The following IPO11 variants were observed in gnomAD, a reference collection of about 807,000 sequenced individuals.
IPO11 encodes importin-11.
IPO11 carries 66 observed loss-of-function variants against 143.2 expected under a neutral mutation model. That is an observed-to-expected ratio of 0.46 (90% CI 0.38 to 0.57). The LOEUF (loss-of-function observed/expected upper bound fraction) is 0.57. Among genes scored for constraint, IPO11 ranks in the 20% least tolerant of loss-of-function variants. IPO11 has a pLI of 0.00. For missense variants in IPO11, 1,026 were observed against 1,141.0 expected (o/e 0.90, Z 1.45); for synonymous variants, 385 against 377.8 (o/e 1.02, Z -0.22).
intron 27 of IPO11, among the ~76,000 whole-genome samples, chr5:62,562,568 A>T (rs1328641217): frequency 6.6e-6 from 1 of 152,208 alleles, no homozygotes; most frequent in African/African-American, 2.4e-5. Flanking sequence ...GGCGGAGCTC[A>T]GGCAGTAATG....
chr5:62,420,749 T>C (rs1412228001), intron 1 of IPO11, among the ~76,000 whole-genome samples: 1 of 151,928 alleles, frequency 6.6e-6, no homozygotes, highest in Non-Finnish European at 1.5e-5. Context: ...CCAGCTAACT[T>C]TTTGTTTTTT....
At chr5:62,462,944 A>G (rs1275734534) in intron 5 of IPO11, among the ~76,000 whole-genome samples, 1 of 151,636 alleles carries the variant, frequency 6.6e-6, no homozygotes, top group Admixed American at 6.6e-5. Flanking sequence ...AGAATTAGAT[A>G]AAAGGTCTAT....
intron 14 of IPO11, among the ~76,000 whole-genome samples, chr5:62,489,870 T>C (rs1445537397): frequency 2.6e-5 from 4 of 152,220 alleles, no homozygotes; most frequent in Admixed American, 6.5e-5. Context: ...TTTTTATAGT[T>C]GGACTTAAAT....
chr5:62,586,477 T>C (rs984080955), intron 27 of IPO11, among the ~76,000 whole-genome samples: 1 of 152,094 alleles, frequency 6.6e-6, no homozygotes, highest in Non-Finnish European at 1.5e-5. Context: ...CAAATAACTT[T>C]GGTAACATGA....
chr5:62,450,367 G>A (rs1296807767), intron 4 of IPO11, among the ~76,000 whole-genome samples: 1 of 152,128 alleles, frequency 6.6e-6, no homozygotes, highest in Non-Finnish European at 1.5e-5. Flanking sequence ...GAACTGAAAA[G>A]TTCTCACCCA....
chr5:62,535,424 C>A (rs1742701444), intron 22 of IPO11, among the ~76,000 whole-genome samples: 1 of 152,036 alleles, frequency 6.6e-6, no homozygotes, highest in Non-Finnish European at 1.5e-5. Flanking sequence ...CAGGCTTTCT[C>A]CTTGAGGAGA....
intron 15 of IPO11, among the ~76,000 whole-genome samples, chr5:62,492,720 T>C (rs1746662331): frequency 6.6e-6 from 1 of 151,988 alleles, no homozygotes; most frequent in Admixed American, 6.6e-5. Flanking sequence ...TTTTGTGTAG[T>C]TTTGGTAGGG....
At chr5:62,443,377 A>T in intron 3 of IPO11, 1 of 225,246 alleles carries the variant, frequency 4.4e-6, no homozygotes, top group Admixed American at 7.1e-5. Context: ...ATGGTTTTCC[A>T]TTTGAGTGTG....
chr5:62,490,022 G>A (rs1338225575), intron 14 of IPO11, 93 bp from the exon 15 acceptor site: 15 of 576,822 alleles, frequency 2.6e-5, no homozygotes, highest in Non-Finnish European at 4.1e-5. Flanking sequence ...TTAGCATATT[G>A]TGTGTTTCCT....
intron 29 of IPO11, among the ~76,000 whole-genome samples, chr5:62,611,001 C>T (rs1745908952): frequency 6.6e-6 from 1 of 152,146 alleles, no homozygotes; most frequent in Non-Finnish European, 1.5e-5. Flanking sequence ...ACCTGCTTCT[C>T]TAAGTTTGAT....
intron 27 of IPO11, among the ~76,000 whole-genome samples, chr5:62,581,994 T>G (rs1161480087): frequency 1.3e-5 from 2 of 152,138 alleles, no homozygotes; most frequent in Non-Finnish European, 2.9e-5. Flanking sequence ...CCTGCTGCTT[T>G]TCAGGAACTA....
rs1317463753 is a variant in IPO11 at position 62,581,389 on chromosome 5, T to C, written c.2583-10188T>C. The C allele has an allele frequency of 1.3e-5, 13 of 1,030,000 alleles. No individual in the cohort carries two copies. In the South Asian group the frequency reaches 2.2e-4, roughly 17 times the overall value. The allele number at this position is 1,030,000 out of a possible 1,614,324, so 63.8% of individuals were successfully genotyped here. Reference sequence around the variant, plus strand: ...AACCTCCTTATATAATTATATACTTTAGTTGGAAATATAATGAATTATATG... The same window carrying C: ...AACCTCCTTATATAATTATATACTTCAGTTGGAAATATAATGAATTATATG... On this transcript the variant is annotated intron_variant, in intron 27 of 29. Transcript: ENST00000325324.
At chr5:62,438,382 A>G (rs938513209) in intron 2 of IPO11, among the ~76,000 whole-genome samples, 10 of 152,224 alleles carry the variant, frequency 6.6e-5, no homozygotes, top group African/African-American at 2.4e-4. Context: ...AAAAGATACT[A>G]AAGAAAACAT....
At chr5:62,564,947 T>G (rs1743884128) in intron 27 of IPO11, among the ~76,000 whole-genome samples, 1 of 152,196 alleles carries the variant, frequency 6.6e-6, no homozygotes, top group African/African-American at 2.4e-5. Context: ...GTTTCCTTGT[T>G]CTTAAAATGG....
intron 16 of IPO11, among the ~76,000 whole-genome samples, chr5:62,500,295 CA>C (rs1561336847): frequency 6.6e-6 from 1 of 152,018 alleles, no homozygotes; most frequent in African/African-American, 2.4e-5. Flanking sequence ...AAAGAAACAA[CA>C]ACAAAAAATG....
At chr5:62,601,651 G>A (rs1460210168) in intron 28 of IPO11, 113 bp from the exon 29 acceptor site, 2 of 477,576 alleles carry the variant, frequency 4.2e-6, no homozygotes, top group Non-Finnish European at 7.0e-6. Context: ...ACATTTTGGT[G>A]TGAAAAACTA....
rs750739720 is a variant in IPO11, at chr5:62,580,817, C to T, written c.2583-10760C>T. On this transcript the variant is annotated intron_variant, in intron 27 of 29. Transcript: ENST00000325324. ...ATTACTTTCTGGGAACGAATTCCTACTTCACCTGCTGGTAGATTTTTTCAA... is the reference window on the plus strand; with the variant it reads ...ATTACTTTCTGGGAACGAATTCCTATTTCACCTGCTGGTAGATTTTTTCAA... The T allele has an allele frequency of 3.4e-5, 53 of 1,551,322 alleles. No individual in the cohort carries two copies. In the East Asian group the frequency reaches 3.7e-4, roughly 11 times the overall value.
chr5:62,521,456 C>G (rs1169632147), intron 20 of IPO11, among the ~76,000 whole-genome samples: 1 of 151,932 alleles, frequency 6.6e-6, no homozygotes, highest in African/African-American at 2.4e-5. Context: ...ATTCTTGATT[C>G]TTGAATGTAT....
chr5:62,615,577 T>G (rs1462343925), intron 29 of IPO11, among the ~76,000 whole-genome samples: 1 of 152,206 alleles, frequency 6.6e-6, no homozygotes, highest in Non-Finnish European at 1.5e-5. Context: ...ATGTGTTTCA[T>G]GTATCAAAGA....
Sources: allele counts gnomAD v4.1 joint callset (sites outside exome capture counted in the v4.1 genomes callset), GRCh38; gene constraint gnomAD v4.1.1; transcripts MANE v1.5; gene names NCBI Gene and HGNC (gene_info 2026-07-23, HGNC 2026-07-21).